Variants in IQSEC2 observed in about 807,000 individuals in gnomAD.
IQSEC2 encodes IQ motif and SEC7 domain-containing protein 2.
IQSEC2 carries 6 observed loss-of-function variants against 74.6 expected under a neutral mutation model. The ratio of observed to expected loss-of-function variants is 0.08; its 90% confidence interval spans 0.04 to 0.16. IQSEC2 has a LOEUF of 0.16. IQSEC2 is among the 10% of genes least tolerant of loss of function. The pLI is 1.00. For missense variants in IQSEC2, 734 were observed against 1,306.2 expected, an observed-to-expected ratio of 0.56 and a Z score of 6.75; for synonymous variants, 494 against 544.5, an observed-to-expected ratio of 0.91 and a Z score of 1.29.
chrX:53,239,048 GCC>G (rs1928378217), intron 11 of IQSEC2, 145 bp downstream of exon 11: 10 of 495,880 alleles, frequency 2.0e-5, no homozygotes. Flanking sequence ...ACCCTGGCCT[GCC>G]CCTCATCCTG....
At chrX:53,240,877 C>T (rs782268867) in intron 10 of IQSEC2, among the ~76,000 whole-genome samples, 9 of 108,031 alleles carry the variant, frequency 8.3e-5, no homozygotes, top group East Asian at 5.8e-4. Context: ...TGGGTTCAAG[C>T]GATTCTCCTG....
intron 2 of IQSEC2, among the ~76,000 whole-genome samples, chrX:53,270,037 C>T (rs781955051): frequency 5.3e-4 from 59 of 110,786 alleles, no homozygotes; most frequent in Admixed American, 3.5e-3. Context: ...TTCATAACTT[C>T]AGGTGTAGAT....
chrX:53,317,481 A>C (rs1204229712), intron 1 of IQSEC2, among the ~76,000 whole-genome samples: 4 of 111,523 alleles, frequency 3.6e-5, no homozygotes, highest in African/African-American at 1.3e-4. Flanking sequence ...TCTTATGAGT[A>C]ATGTAAGCTC....
intron 2 of IQSEC2, among the ~76,000 whole-genome samples, chrX:53,284,401 C>A (rs1556871405): frequency 2.7e-5 from 3 of 109,368 alleles, no homozygotes; most frequent in Admixed American, 9.8e-5. Flanking sequence ...GAAGCACCTG[C>A]AACTCTCTCA....
intron 2 of IQSEC2, chrX:53,279,472 A>C: frequency 1.9e-6 from 1 of 530,115 alleles, no homozygotes; most frequent in East Asian, 3.4e-5. Context: ...CAGGCACAGC[A>C]GGGGCTCAGG....
At chrX:53,318,036 G>A (rs2075395637) in intron 1 of IQSEC2, among the ~76,000 whole-genome samples, 1 of 112,099 alleles carries the variant, frequency 8.9e-6, no homozygotes, top group South Asian at 3.7e-4. Context: ...CAGGTCCTGA[G>A]GCTAAGAGAC....
At chrX:53,305,305 C>T (rs1481919747) in intron 1 of IQSEC2, among the ~76,000 whole-genome samples, 1 of 111,192 alleles carries the variant, frequency 9.0e-6, no homozygotes, top group Admixed American at 9.6e-5. Context: ...CCTTGAACTT[C>T]TGGGCTCAAG....
At chrX:53,281,754 C>G (rs2074968653) in intron 2 of IQSEC2, 1 of 341,055 alleles carries the variant, frequency 2.9e-6, no homozygotes, top group African/African-American at 2.6e-5. Flanking sequence ...AGTCCCTCCT[C>G]TGGGCCAAAC....
At chrX:53,230,114 C>T (rs1298943391), downstream of IQSEC2, 1 of 112,284 alleles carries the variant, frequency 8.9e-6, no homozygotes, top group Non-Finnish European at 1.9e-5. Context: ...TCATGCGCTG[C>T]TCCCTCCCTC....
chrX:53,243,038 T>C (rs2074248576), intron 9 of IQSEC2, among the ~76,000 whole-genome samples: 1 of 112,492 alleles, frequency 8.9e-6, no homozygotes, highest in African/African-American at 3.2e-5. Flanking sequence ...GTACCTGGCC[T>C]AAAGTGTGTT....
rs1015992044 is a variant in IQSEC2 at position 53,242,009 on chromosome X, C to T, written c.2890-100G>A. On this transcript the variant is annotated intron_variant, in intron 9 of 14. Transcript: ENST00000642864. ...AACCGCAAGAAGTTTACCACTCATA[C>T]ATGTGTGTCACTCTGACACAAGGGG... The T allele has an allele frequency of 4.5e-5, 45 of 1,000,430 alleles. No homozygotes were observed. The Admixed American group carries it at 1.1e-3, about 25-fold the overall frequency. 82.4% of individuals were successfully genotyped at this position (1,000,430 alleles called of 1,213,427 possible).
intron 2 of IQSEC2, among the ~76,000 whole-genome samples, chrX:53,283,956 A>G (rs1556871333): frequency 8.9e-6 from 1 of 111,733 alleles, no homozygotes; most frequent in Non-Finnish European, 1.9e-5. Context: ...CTGAGGTGGT[A>G]TTTCCAGCAA....
Position 53,244,225 on chromosome X carries a change from A to G in IQSEC2, c.2750-754T>C, listed in dbSNP as rs189389705. Among the ~76,000 whole-genome samples the G allele has an allele frequency of 4.4e-3, 479 of 108,271 alleles. 5 individuals carry two copies. The highest frequency in any genetic ancestry group is 0.015 in the African/African-American group (456 of 29,678). 94.0% of individuals were successfully genotyped at this position (108,271 alleles called of 115,157 possible). A position where few individuals can be genotyped will look rare whatever the true frequency, so the allele number is the denominator to read the frequency against. On this transcript the variant is annotated intron_variant, in intron 8 of 14. Coordinates refer to ENST00000642864, the MANE Select transcript of IQSEC2 (RefSeq NM_001111125.3). ...GATTGAGACTCTGTCTCAAAAAAAA[A>G]AAAAAGAAAAAGAAAAAAAAGAATG...
At position 53,310,530 on chromosome X, in the gene IQSEC2, GA is replaced by G. The variant is rs782787774; in HGVS notation, c.707+9886del. Among the ~76,000 whole-genome samples, 5 of 111,844 alleles carry G rather than the reference GA, an allele frequency of 4.5e-5. No individual in the cohort carries two copies. In the South Asian group the frequency reaches 1.5e-3, roughly 34 times the overall value. On this transcript the variant is annotated intron_variant, in intron 1 of 14. Coordinates refer to ENST00000642864, the MANE Select transcript of IQSEC2 (RefSeq NM_001111125.3). ...ATCCTGCGGGTTGGGGTGGAACATA[GA>G]TTCAAATCCAGGTCTGTCTGTCTCC...
At chrX:53,275,900 A>C (rs1426835345) in intron 2 of IQSEC2, among the ~76,000 whole-genome samples, 2 of 105,412 alleles carry the variant, frequency 1.9e-5, no homozygotes, top group Non-Finnish European at 3.9e-5. Context: ...ATGGGGTTTC[A>C]CCGTGTTAGC....
chrX:53,270,671 C>T (rs1569315213), intron 2 of IQSEC2, among the ~76,000 whole-genome samples: 1 of 112,405 alleles, frequency 8.9e-6, no homozygotes, highest in African/African-American at 3.2e-5. Flanking sequence ...TCCATCAGGA[C>T]AGGCATCTGT....
At chrX:53,294,770 G>A (rs2075134516) in intron 1 of IQSEC2, among the ~76,000 whole-genome samples, 1 of 112,143 alleles carries the variant, frequency 8.9e-6, no homozygotes, top group Non-Finnish European at 1.9e-5. Context: ...CAGTAAAGGA[G>A]ACCGATTTCT....
intron 2 of IQSEC2, among the ~76,000 whole-genome samples, chrX:53,262,083 T>C (rs1207083161): frequency 1.8e-5 from 2 of 112,396 alleles, no homozygotes; most frequent in African/African-American, 6.5e-5. Context: ...CTTGTGCTAG[T>C]TCCTCTGCTG....
intron 1 of IQSEC2, among the ~76,000 whole-genome samples, chrX:53,317,398 G>A (rs1360468002): frequency 9.0e-6 from 1 of 111,228 alleles, no homozygotes; most frequent in Non-Finnish European, 1.9e-5. Flanking sequence ...CTGGGTGGAT[G>A]ACATGGATGG....
Sources: gnomAD v4.1 joint callset for allele counts (sites outside exome capture counted in the v4.1 genomes callset) on GRCh38, gnomAD v4.1.1 for gene constraint, MANE v1.5 for transcripts, NCBI Gene and HGNC (gene_info 2026-07-23, HGNC 2026-07-21) for gene names.